The following ZFHX3 variants were observed in gnomAD, a reference collection of about 807,000 sequenced individuals.
The protein encoded by ZFHX3 is zinc finger homeobox protein 3.
A neutral mutation model predicts 279.1 loss-of-function variants in ZFHX3; 42 were observed. The ratio of observed to expected loss-of-function variants is 0.15; its 90% CI spans 0.12 to 0.19. ZFHX3 has a LOEUF of 0.19. ZFHX3 is among the 10% of genes least tolerant of loss of function. ZFHX3 has a pLI of 1.00. For synonymous variants in ZFHX3, 2,293 were observed against 1,957.8 expected, an observed-to-expected ratio of 1.17 and a Z score of -4.52; for missense variants, 4,981 against 4,754.0, an observed-to-expected ratio of 1.05 and a Z score of -1.40.
intron 3 of ZFHX3, among the ~76,000 whole-genome samples, chr16:73,365,823 A>G (rs1263744117): frequency 1.3e-5 from 2 of 152,210 alleles, no homozygotes; most frequent in Non-Finnish European, 2.9e-5. Flanking sequence ...CAGGCTTGAT[A>G]GAGATTCCCA....
chr16:72,830,077 T>C (rs1342535356), intron 4 of ZFHX3, among the ~76,000 whole-genome samples: 3 of 152,172 alleles, frequency 2.0e-5, no homozygotes, highest in African/African-American at 2.4e-5. Context: ...GGTATGAGGT[T>C]GTGACTCGCT....
At chr16:72,882,172 CT>C (rs11298791) in intron 4 of ZFHX3, among the ~76,000 whole-genome samples, 70,849 of 103,812 alleles carry the variant, frequency 0.68, 22,067 homozygotes, top group African/African-American at 0.73. Context: ...CCCCTTTTTC[CT>C]TTTTTTTTTT....
At chr16:73,103,106 G>T (rs1214719645) in intron 7 of ZFHX3, among the ~76,000 whole-genome samples, 3 of 152,062 alleles carry the variant, frequency 2.0e-5, no homozygotes. Context: ...TGTATTTTTG[G>T]TAGACATAGG....
chr16:72,977,279 C>T (rs895131097), intron 1 of ZFHX3, among the ~76,000 whole-genome samples: 1 of 152,262 alleles, frequency 6.6e-6, no homozygotes, highest in Non-Finnish European at 1.5e-5. Context: ...AGGTTCCAGA[C>T]GCAGCGTCTG....
At chr16:73,160,281 CA>C (rs1967197916) in intron 5 of ZFHX3, among the ~76,000 whole-genome samples, 1 of 152,200 alleles carries the variant, frequency 6.6e-6, no homozygotes, top group South Asian at 2.1e-4. Context: ...AAAAGACCAA[CA>C]ATGAGCTCCA....
intron 1 of ZFHX3, among the ~76,000 whole-genome samples, chr16:73,692,003 A>G (rs2053153998): frequency 1.3e-5 from 2 of 152,204 alleles, no homozygotes; most frequent in African/African-American, 4.8e-5. Flanking sequence ...GCCTCTCCCT[A>G]CATCAGCACA....
chr16:73,698,983 C>G (rs1340237677), intron 1 of ZFHX3, among the ~76,000 whole-genome samples: 1 of 152,142 alleles, frequency 6.6e-6, no homozygotes, highest in Non-Finnish European at 1.5e-5. Flanking sequence ...CTCCCGGGTT[C>G]AAGCAATTCT....
Position 72,904,419 on chromosome 16 carries a change from T to A in ZFHX3, c.3217-14457A>T, listed in dbSNP as rs531385146. 9.7e-4 allele frequency among the ~76,000 whole-genome samples: 135 copies of A among 139,194 alleles called. 1 individual carries two copies. Among genetic ancestry groups the A allele is most frequent in the South Asian group, 2.7e-3 (12 of 4,412 alleles). The allele number at this position is 139,194 out of a possible 152,430, so 91.3% of individuals were successfully genotyped here. A position where few individuals can be genotyped will look rare whatever the true frequency, so the allele number is the denominator to read the frequency against. Reference sequence around the variant, plus strand: ...ATAAATAAATAAATAAATAAATAAATAAAAATTGTGGGCTGAAAGTTTGAA... The same window carrying A: ...ATAAATAAATAAATAAATAAATAAAAAAAAATTGTGGGCTGAAAGTTTGAA... On this transcript the variant is annotated intron_variant, in intron 3 of 9. Transcript: ENST00000268489.
chr16:73,881,885 C>T (rs553905353), intron 1 of ZFHX3, among the ~76,000 whole-genome samples: 1 of 152,064 alleles, frequency 6.6e-6, no homozygotes. Context: ...CACCTGGTGA[C>T]CTGCCCCGCA....
rs1450419211 is a variant in ZFHX3 at position 72,794,989 on chromosome 16, A to C, written c.7693T>G (p.Phe2565Val). The C allele has an allele frequency of 3.1e-6, 5 of 1,614,062 alleles. No homozygotes were observed. Among genetic ancestry groups the C allele is most frequent in the African/African-American group, 1.3e-5 (1 of 74,970 alleles). Residue 2565 changes from phenylalanine to valine, a missense_variant, in exon 9 of 10, where the codon TTT (phenylalanine) becomes GTT (valine). Phe to Val is a conservative substitution (Grantham distance 50, BLOSUM62 -1). Transcript: ENST00000268489. This position sits in a 1 kb window ranked among gnomAD's most constrained non-coding sequence, Gnocchi z 4.2. ...GGCATATCCAGGGACCTGTCCAAAA[A>C]CTGGGGGTGGATGAACTGGTTCTGC... ...SAQNQFIHPQ[F>V]LDRSLDMPFM... is the part of the protein sequence containing the mutation.
intron 3 of ZFHX3, among the ~76,000 whole-genome samples, chr16:73,391,437 G>A (rs2017011118): frequency 1.6e-5 from 2 of 128,278 alleles, no homozygotes; most frequent in Non-Finnish European, 1.7e-5. Context: ...GGTTGACAGA[G>A]TAAAACTCTG....
chr16:72,931,270 C>T (rs143869316), intron 3 of ZFHX3, among the ~76,000 whole-genome samples: 25 of 152,258 alleles, frequency 1.6e-4, no homozygotes, highest in African/African-American at 5.3e-4. Flanking sequence ...GCACATACTT[C>T]GCACATCGTT....
chr16:73,845,707 A>C (rs1961434248), intron 1 of ZFHX3, among the ~76,000 whole-genome samples: 1 of 152,224 alleles, frequency 6.6e-6, no homozygotes, highest in Non-Finnish European at 1.5e-5. Context: ...AAAACCTTCC[A>C]GCAACTGTCC....
At chr16:72,874,436 T>G (rs1374641325) in intron 4 of ZFHX3, among the ~76,000 whole-genome samples, 1 of 151,940 alleles carries the variant, frequency 6.6e-6, no homozygotes, top group Non-Finnish European at 1.5e-5. Flanking sequence ...TCTCCTGACC[T>G]CGTGATCTGC....
intron 1 of ZFHX3, among the ~76,000 whole-genome samples, chr16:73,681,556 G>C (rs1030185234): frequency 6.6e-6 from 1 of 152,120 alleles, no homozygotes; most frequent in Non-Finnish European, 1.5e-5. Flanking sequence ...TGAGGTTTGG[G>C]CTTCTGGTTA....
chr16:72,937,060 C>T (rs1350316855), intron 3 of ZFHX3, among the ~76,000 whole-genome samples: 1 of 152,138 alleles, frequency 6.6e-6, no homozygotes, highest in African/African-American at 2.4e-5. Context: ...GTGGCCCTAA[C>T]CGAGATGGGG....
chr16:72,945,920 C>T (rs1342659005), intron 3 of ZFHX3, among the ~76,000 whole-genome samples: 1 of 152,130 alleles, frequency 6.6e-6, no homozygotes, highest in Admixed American at 6.5e-5. Flanking sequence ...CACTTCCCCC[C>T]AGCACACCCA....
In ZFHX3 at chr16:73,290,044, CACACACAT is replaced by C. The variant is rs1169167638; in HGVS notation, c.-1194+28188_-1194+28195del. Among the ~76,000 whole-genome samples, 495 of 90,242 alleles carry C rather than the reference CACACACAT, an allele frequency of 5.5e-3. 3 individuals carry two copies. The highest frequency in any genetic ancestry group is 7.2e-3 in the Admixed American group (66 of 9,108). The allele number at this position is 90,242 out of a possible 152,430, so 59.2% of individuals were successfully genotyped here. ...ACACACACACACACACACACACACA[CACACACAT>C]ATAGACATTTATATACGAACTAAGA... On this transcript the variant is annotated intron_variant, in intron 4 of 17. Coordinates refer to the ZFHX3 transcript ENST00000641206.
At chr16:73,761,805 C>A (rs1203012316) in intron 1 of ZFHX3, among the ~76,000 whole-genome samples, 1 of 152,000 alleles carries the variant, frequency 6.6e-6, no homozygotes, top group Non-Finnish European at 1.5e-5. Flanking sequence ...ACTGGACCCC[C>A]TCCTTATGCC....
Sources: allele counts gnomAD v4.1 joint callset (sites outside exome capture counted in the v4.1 genomes callset), GRCh38; gene constraint gnomAD v4.1.1; non-coding constraint Gnocchi (gnomAD v3.1); transcripts MANE v1.5; gene names NCBI Gene and HGNC (gene_info 2026-07-23, HGNC 2026-07-21).